The following NIPAL3 variants were observed in gnomAD, a reference collection of about 807,000 sequenced individuals.
NIPAL3 encodes NIPA like domain containing 3, also known as NIPA-like protein 3.
A neutral mutation model predicts 47.2 loss-of-function variants in NIPAL3; 41 were observed. The ratio of observed to expected loss-of-function variants is 0.87; its 90% CI spans 0.68 to 1.13. The LOEUF is 1.13. Among genes scored for constraint, NIPAL3 ranks in the 50% most tolerant of loss-of-function variants. The pLI is 0.00. For synonymous variants in NIPAL3, 194 were observed against 209.6 expected (o/e 0.93, Z 0.64); for missense variants, 449 against 530.1 (o/e 0.85, Z 1.50).
chr1:24,440,567 C>A (rs1252712136), intron 3 of NIPAL3, among the ~76,000 whole-genome samples: 2 of 152,196 alleles, frequency 1.3e-5, no homozygotes, highest in African/African-American at 2.4e-5. Context: ...AAATTCAACT[C>A]TAATTACAGC....
intron 11 of NIPAL3, among the ~76,000 whole-genome samples, chr1:24,466,637 C>T (rs1646709073): frequency 6.6e-6 from 1 of 152,214 alleles, no homozygotes; most frequent in Admixed American, 6.5e-5. Context: ...CCCCCTCTTA[C>T]ATGGTTCGTG....
At chr1:24,457,121 G>A (rs1646250541) in intron 8 of NIPAL3, among the ~76,000 whole-genome samples, 1 of 152,154 alleles carries the variant, frequency 6.6e-6, no homozygotes. Flanking sequence ...CGGGGCAGAT[G>A]ATCGTCTCAG....
intron 4 of NIPAL3, among the ~76,000 whole-genome samples, chr1:24,443,029 C>G (rs374903178): frequency 7.2e-5 from 11 of 152,270 alleles, no homozygotes; most frequent in African/African-American, 2.4e-4. Context: ...GTCTCAAATT[C>G]TTGAGCTCAA....
rs1644698366 is a variant in NIPAL3, at chr1:24,428,258, A to AGAGAG, written c.93+8618_93+8619insGAGAG. Among the ~76,000 whole-genome samples the AGAGAG allele has an allele frequency of 3.1e-4, 37 of 119,554 alleles. No individual in the cohort carries two copies. The East Asian group carries it at 4.0e-3, about 13-fold the overall frequency. The allele number at this position is 119,554 out of a possible 152,430, so 78.4% of individuals were successfully genotyped here. ...AGAGCGAGACCCTGTCTCAAAAAGA[A>AGAGAG]AGAGAGAGAGAGAGAGAGAGAGAGA... On this transcript the variant is annotated intron_variant, in intron 2 of 11. Transcript: ENST00000374399.
intron 2 of NIPAL3, among the ~76,000 whole-genome samples, chr1:24,438,187 A>G (rs1278082917): frequency 1.3e-5 from 2 of 152,140 alleles, no homozygotes; most frequent in Admixed American, 1.3e-4. Context: ...TAGCTCTGAG[A>G]TCCTGTCATC....
rs1217201957 is a variant in NIPAL3, at chr1:24,449,434, T to G, written c.395-47T>G. Reference sequence around the variant, plus strand: ...ATGGCTGAGAACGTGTACTGTATCTTGGGCCTGTTGTTGCAATGAGTCCGT... The same window carrying G: ...ATGGCTGAGAACGTGTACTGTATCTGGGGCCTGTTGTTGCAATGAGTCCGT... On this transcript the variant is annotated intron_variant, in intron 5 of 11. Transcript: ENST00000374399. This position sits in a 1 kb window ranked among gnomAD's most constrained non-coding sequence, Gnocchi z 4.5. The G allele has an allele frequency of 6.2e-7, 1 of 1,607,300 alleles. No homozygotes were observed. The highest frequency in any genetic ancestry group is 1.1e-5 in the South Asian group (1 of 90,746).
In NIPAL3 at chr1:24,431,277, A is replaced by G. The variant is rs151279583; in HGVS notation, c.94-8895A>G. On this transcript the variant is annotated intron_variant, in intron 2 of 11. Coordinates refer to ENST00000374399, the MANE Select transcript of NIPAL3 (RefSeq NM_020448.5). ...TTCCTGGTGGTTTTACAACTTGGCA[A>G]TGTACCAGAGTAAGATTCTAAGGTA... is the stretch of plus-strand genomic sequence containing the variant. Among the ~76,000 whole-genome samples the G allele has an allele frequency of 3.9e-3, 597 of 152,364 alleles. 8 individuals carry two copies. The highest frequency in any genetic ancestry group is 0.013 in the African/African-American group (538 of 41,582).
At chr1:24,455,274 T>C (rs1163979726) in intron 7 of NIPAL3, among the ~76,000 whole-genome samples, 2 of 152,188 alleles carry the variant, frequency 1.3e-5, no homozygotes, top group African/African-American at 2.4e-5. Flanking sequence ...TTCTGAACAG[T>C]AGGGTGGAGC....
intron 6 of NIPAL3, among the ~76,000 whole-genome samples, chr1:24,450,102 C>T (rs920385537): frequency 7.2e-5 from 11 of 152,204 alleles, no homozygotes; most frequent in African/African-American, 2.7e-4. Context: ...AACGAATGAA[C>T]TGCCACTGTG....
intron 2 of NIPAL3, among the ~76,000 whole-genome samples, chr1:24,424,055 T>C (rs565078191): frequency 1.3e-5 from 2 of 152,290 alleles, no homozygotes; most frequent in African/African-American, 4.8e-5. Context: ...AGATTTCTAG[T>C]AAGTTTCCAT....
At chr1:24,450,503 T>C (rs1645886170) in intron 6 of NIPAL3, among the ~76,000 whole-genome samples, 1 of 152,176 alleles carries the variant, frequency 6.6e-6, no homozygotes, top group Admixed American at 6.5e-5. Flanking sequence ...AGTCTATAAA[T>C]CAACTGATTA....
At chr1:24,440,715 C>G (rs7529334) in intron 3 of NIPAL3, among the ~76,000 whole-genome samples, 13,621 of 152,174 alleles carry the variant, frequency 0.09, 1,990 homozygotes, top group African/African-American at 0.3. Flanking sequence ...ATGAGCTTCT[C>G]ATGGGGGCAC....
chr1:24,442,128 G>T lies in NIPAL3; in HGVS notation c.236G>T (p.Gly79Val), dbSNP rs771396746. ...AYFKTKTWWL[G>V]LFLMLLGELG... is the part of the protein sequence containing the mutation. ...TTCAAGACCAAGACATGGTGGCTGG[G>T]CCTGTTCCTGATGCTTCTGGGCGAG... The change falls in exon 4 of 12, where the codon GGC becomes GTC. Residue 79 changes from glycine to valine, a missense_variant. Coordinates refer to ENST00000374399, the MANE Select transcript of NIPAL3 (RefSeq NM_020448.5). The T allele has an allele frequency of 1.4e-5, 22 of 1,614,100 alleles. No homozygotes were observed. In the East Asian group the frequency reaches 4.2e-4, roughly 31 times the overall value.
chr1:24,423,937 T>C (rs557477526), intron 2 of NIPAL3, among the ~76,000 whole-genome samples: 119 of 152,278 alleles, frequency 7.8e-4, no homozygotes, highest in African/African-American at 2.6e-3. Flanking sequence ...ATGAAAGGCA[T>C]GCTCCTTAGA....
intron 11 of NIPAL3, 71 bp from the exon 12 acceptor site, chr1:24,468,915 G>C: frequency 7.3e-7 from 1 of 1,376,430 alleles, no homozygotes; most frequent in Non-Finnish European, 1.0e-6. Flanking sequence ...TCTGTGGCGG[G>C]ATAGAGGGAG....
intron 2 of NIPAL3, among the ~76,000 whole-genome samples, chr1:24,437,177 G>C (rs865951830): frequency 6.6e-6 from 1 of 152,072 alleles, no homozygotes; most frequent in Admixed American, 6.5e-5. Context: ...GCGTGAACCC[G>C]GGAGGTGGAG....
At chr1:24,456,993 C>A (rs1278495591) in intron 8 of NIPAL3, among the ~76,000 whole-genome samples, 1 of 152,272 alleles carries the variant, frequency 6.6e-6, no homozygotes, top group East Asian at 1.9e-4. Context: ...AAACTCCTAA[C>A]CTCAAGTGAT....
Position 24,431,808 on chromosome 1 carries a change from C to T in NIPAL3, c.94-8364C>T, listed in dbSNP as rs1002672552. 2.0e-5 allele frequency among the ~76,000 whole-genome samples: 3 copies of T among 152,056 alleles called. 1 individual carries two copies. Among genetic ancestry groups the T allele is most frequent in the African/African-American group, 7.3e-5 (3 of 41,374 alleles). ...AAAAGTACTTGCTGGTTCCCACCCC[C>T]GGAGCTTCCTATGCGTTGTGGAACA... is the stretch of plus-strand genomic sequence containing the variant. On this transcript the variant is annotated intron_variant, in intron 2 of 11. Transcript: ENST00000374399.
chr1:24,426,896 C>T (rs1644615101), intron 2 of NIPAL3, among the ~76,000 whole-genome samples: 1 of 152,200 alleles, frequency 6.6e-6, no homozygotes, highest in Non-Finnish European at 1.5e-5. Flanking sequence ...CAAGACAGTT[C>T]TCACCCCTGC....
Sources: allele counts gnomAD v4.1 joint callset (sites outside exome capture counted in the v4.1 genomes callset), GRCh38; gene constraint gnomAD v4.1.1; non-coding constraint Gnocchi (gnomAD v3.1); transcripts MANE v1.5; gene names NCBI Gene and HGNC (gene_info 2026-07-23, HGNC 2026-07-21).